Variants in SLC22A16 observed in about 807,000 individuals in gnomAD.
The protein encoded by SLC22A16 is WUGSC:RG331P03.1.
SLC22A16 carries 53 observed loss-of-function variants against 52.9 expected under a neutral mutation model. The observed-to-expected ratio is 1.00, with a 90% CI of 0.80 to 1.26. The LOEUF (loss-of-function observed/expected upper bound fraction) is 1.26, where lower values mean the gene tolerates loss of function less well. Among genes scored for constraint, SLC22A16 ranks in the 50% most tolerant of loss-of-function variants. The pLI, the probability that SLC22A16 is intolerant of heterozygous loss-of-function variation, is 0.00. For synonymous variants in SLC22A16, 291 were observed against 268.8 expected (o/e 1.08, Z -0.81); for missense variants, 726 against 704.0 (o/e 1.03, Z -0.35).
At chr6:110,446,715 A>G (rs527884377) in intron 3 of SLC22A16, among the ~76,000 whole-genome samples, 158 bp downstream of exon 3, 1 of 152,350 alleles carries the variant, frequency 6.6e-6, no homozygotes, top group East Asian at 1.9e-4. Context: ...CATTCTAAAC[A>G]TAAGGCATTG....
intron 2 of SLC22A16, among the ~76,000 whole-genome samples, chr6:110,452,545 A>G (rs893888106): frequency 2.0e-5 from 3 of 152,144 alleles, no homozygotes; most frequent in African/African-American, 4.8e-5. Context: ...AACATTTCAC[A>G]GTTAAGAGCT....
At chr6:110,452,570 A>G (rs936596658) in intron 2 of SLC22A16, among the ~76,000 whole-genome samples, 4 of 152,178 alleles carry the variant, frequency 2.6e-5, no homozygotes, top group Non-Finnish European at 5.9e-5. Flanking sequence ...GCAGTGGTGC[A>G]TGCCTGTAAT....
intron 6 of SLC22A16, among the ~76,000 whole-genome samples, chr6:110,434,423 T>C (rs976858636): frequency 1.3e-5 from 2 of 152,070 alleles, no homozygotes; most frequent in Non-Finnish European, 2.9e-5. Flanking sequence ...GCCTGGAAGT[T>C]CTGCTGCAGC....
At chr6:110,428,465 AT>A (rs777909240) in intron 7 of SLC22A16, among the ~76,000 whole-genome samples, 2 of 152,212 alleles carry the variant, frequency 1.3e-5, no homozygotes, top group East Asian at 3.9e-4. Flanking sequence ...GCAAAGGAGC[AT>A]GGTATTTGGG....
intron 7 of SLC22A16, among the ~76,000 whole-genome samples, chr6:110,428,552 A>G (rs2114879489): frequency 6.6e-6 from 1 of 152,332 alleles, no homozygotes; most frequent in Non-Finnish European, 1.5e-5. Context: ...CAGTCTCCTC[A>G]TCTGTAAAAT....
intron 1 of SLC22A16, among the ~76,000 whole-genome samples, chr6:110,471,700 CG>C (rs1172035721): frequency 6.6e-6 from 1 of 152,020 alleles, no homozygotes; most frequent in Non-Finnish European, 1.5e-5. Flanking sequence ...GGGACAGGGA[CG>C]GAGTAGGGCT....
Position 110,438,800 on chromosome 6 carries a change from T to C in SLC22A16, c.1231A>G (p.Lys411Glu), listed in dbSNP as rs1296116671. 6.2e-7 allele frequency: 1 copy of C among 1,614,034 alleles called. No individual in the cohort carries two copies. The highest frequency in any genetic ancestry group is 1.3e-5 in the African/African-American group (1 of 74,902). Residue 411 changes from lysine (K) to glutamate (E), a missense_variant, in exon 5 of 8, where the codon AAG becomes GAG. Physicochemically the swap from Lys to Glu is moderately conservative, Grantham distance 56. Transcript: ENST00000368919. ...AYTFVCIAMD[K>E]VGRRTVLAYS... Reference sequence around the variant, plus strand: ...GCCAGGACTGTTCTCCTCCCGACCTTGTCCATGGCGATGCACACGAAGGTG... The same window carrying C: ...GCCAGGACTGTTCTCCTCCCGACCTCGTCCATGGCGATGCACACGAAGGTG...
chr6:110,441,716 G>T (rs1582540940), intron 4 of SLC22A16, among the ~76,000 whole-genome samples: 1 of 152,318 alleles, frequency 6.6e-6, no homozygotes, highest in African/African-American at 2.4e-5. Flanking sequence ...CAATGGGCAT[G>T]CTCATTCCTC....
intron 7 of SLC22A16, among the ~76,000 whole-genome samples, chr6:110,427,418 G>A (rs1218205521): frequency 6.6e-6 from 1 of 152,088 alleles, no homozygotes; most frequent in African/African-American, 2.4e-5. Flanking sequence ...CTGTAAAATG[G>A]ATGAAAGAAT....
chr6:110,464,231 G>A (rs1353225063), intron 1 of SLC22A16, among the ~76,000 whole-genome samples: 2 of 151,740 alleles, frequency 1.3e-5, no homozygotes, highest in Non-Finnish European at 2.9e-5. Context: ...ACACCTCAAG[G>A]AACTAGAAAA....
At chr6:110,455,199 G>A (rs1775601522) in intron 2 of SLC22A16, among the ~76,000 whole-genome samples, 1 of 150,446 alleles carries the variant, frequency 6.6e-6, no homozygotes, top group African/African-American at 2.5e-5. Flanking sequence ...TGTGTTATAA[G>A]CATTATTTAT....
chr6:110,428,760 T>C (rs1242641419), intron 7 of SLC22A16, among the ~76,000 whole-genome samples: 1 of 152,086 alleles, frequency 6.6e-6, no homozygotes, highest in Non-Finnish European at 1.5e-5. Flanking sequence ...TACTAAAAAA[T>C]ATTTTAAAAA....
At chr6:110,450,390 T>C (rs1775330564) in intron 2 of SLC22A16, among the ~76,000 whole-genome samples, 1 of 152,156 alleles carries the variant, frequency 6.6e-6, no homozygotes, top group African/African-American at 2.4e-5. Flanking sequence ...GGCAGGCAGA[T>C]CACTGGAGGT....
intron 2 of SLC22A16, chr6:110,455,904 T>C (rs1253839499): frequency 6.6e-6 from 1 of 152,436 alleles, no homozygotes; most frequent in Non-Finnish European, 1.5e-5. Context: ...AGGCACCATC[T>C]TGAAAGCAAA....
Position 110,436,037 on chromosome 6 carries a change from C to G in SLC22A16, c.1312-76G>C. ...AAATAGAAAATCTTTAAAATCATTACTTAAAACATTCTAATTCCTTCAGTA... is the reference window on the plus strand; with the variant it reads ...AAATAGAAAATCTTTAAAATCATTAGTTAAAACATTCTAATTCCTTCAGTA... On this transcript the variant is annotated intron_variant, in intron 5 of 7. Transcript: ENST00000368919. The G allele has an allele frequency of 7.5e-6, 7 of 936,216 alleles. No individual in the cohort carries two copies. In the South Asian group the frequency reaches 8.8e-5, roughly 12 times the overall value. The allele number at this position is 936,216 out of a possible 1,614,324, so 58.0% of individuals were successfully genotyped here. A position where few individuals can be genotyped will look rare whatever the true frequency, so the allele number is the denominator to read the frequency against.
intron 7 of SLC22A16, among the ~76,000 whole-genome samples, chr6:110,425,747 G>A (rs767528189): frequency 6.6e-6 from 1 of 152,194 alleles, no homozygotes; most frequent in African/African-American, 2.4e-5. Context: ...GCGCCAAGGC[G>A]TTTGCTTTTA....
chr6:110,442,112 A>G (rs1249109772), intron 4 of SLC22A16, 132 bp downstream of exon 4: 1 of 776,628 alleles, frequency 1.3e-6, no homozygotes, highest in Non-Finnish European at 2.0e-6. Flanking sequence ...TATGGTTGGC[A>G]GTATTGTTCC....
chr6:110,439,007 C>A (rs1041546017), intron 4 of SLC22A16, among the ~76,000 whole-genome samples, 160 bp from the exon 5 acceptor site: 1 of 152,242 alleles, frequency 6.6e-6, no homozygotes, highest in African/African-American at 2.4e-5. Context: ...CCAGCCCCGC[C>A]ACTTTTAAAC....
intron 1 of SLC22A16, 62 bp downstream of exon 1, chr6:110,476,460 G>T (rs553844172): frequency 2.2e-5 from 32 of 1,442,810 alleles, no homozygotes; most frequent in Non-Finnish European, 2.8e-5. Context: ...CCGCCGCAAC[G>T]GAAAGAAACA....
Sources: gnomAD v4.1 joint callset for allele counts (sites outside exome capture counted in the v4.1 genomes callset) on GRCh38, gnomAD v4.1.1 for gene constraint, MANE v1.5 for transcripts, NCBI Gene and HGNC (gene_info 2026-07-23, HGNC 2026-07-21) for gene names.